SHPRH: variants seen among roughly 807,000 people sequenced by gnomAD.
The protein encoded by SHPRH is SNF2 histone linker PHD RING helicase, also known as E3 ubiquitin-protein ligase SHPRH.
Under a neutral mutation model 202.5 loss-of-function variants are expected in SHPRH, and 106 were observed. That is an observed-to-expected ratio of 0.52 (90% CI 0.45 to 0.62). The LOEUF is 0.62. SHPRH is among the 20% of genes least tolerant of loss of function. The probability of loss-of-function intolerance (pLI) is 0.00; values close to 1 mark genes in which losing one functional copy is unlikely to be tolerated. For missense variants in SHPRH, 1,710 were observed against 2,020.0 expected (o/e 0.85, Z 2.94); for synonymous variants, 729 against 686.0 (o/e 1.06, Z -0.98).
chr6:145,858,377 T>C, the SHPRH span, among the ~76,000 whole-genome samples: 1 of 151,106 alleles, frequency 6.6e-6, no homozygotes, highest in South Asian at 2.1e-4. Context: ...TACTTAGCAA[T>C]ATAATTTTTA....
At position 145,923,747 on chromosome 6, in the gene SHPRH, G is replaced by A. The variant is rs1464001717; in HGVS notation, c.3441C>T (p.His1147=). The A allele has an allele frequency of 1.9e-6, 3 of 1,611,014 alleles. No individual in the cohort carries two copies. The highest frequency in any genetic ancestry group is 2.5e-6 in the Non-Finnish European group (3 of 1,178,276). Residue 1147 remains histidine, a synonymous_variant, in exon 18 of 30, where the codon CAC becomes CAT. Coordinates refer to ENST00000275233, the MANE Select transcript of SHPRH (RefSeq NM_001042683.3). Reference sequence around the variant, plus strand: ...CATCAATAGTAAATTCTATTGCTCTGTGGATCACATTTAGCCACCAAGGAG... The same window carrying A: ...CATCAATAGTAAATTCTATTGCTCTATGGATCACATTTAGCCACCAAGGAG... ...SNSPWWLNVI[H]RAIEFTIDEE... is the part of the protein sequence containing the mutation.
At position 145,886,692 on chromosome 6, in the gene SHPRH, C is replaced by A; in HGVS notation, c.5051G>T (p.Ter1684LeuextTer10). 1 of 1,613,236 alleles carries A rather than the reference C, an allele frequency of 6.2e-7. No homozygotes were observed. The highest frequency in any genetic ancestry group is 1.1e-5 in the South Asian group (1 of 90,952). Residue 1684 changes from the stop codon to leucine (L), a stop_lost, in exon 30 of 30, where the codon TGA becomes TTA. Transcript: ENST00000275233. ...TCCATGGAATGAATCAAGTGTAGTT[C>A]ATTCAAGCTCTTCAGTTTCTTTGGT... The part of the protein sequence containing the change: ...LFTKETEELE[*>L]
chr6:145,940,922 AC>A (rs1582779417), intron 10 of SHPRH, 121 bp from the exon 11 acceptor site: 2 of 860,042 alleles, frequency 2.3e-6, no homozygotes, highest in Non-Finnish European at 3.7e-6. Flanking sequence ...AGATGTACCT[AC>A]TTTTATTTAA....
chr6:145,950,068 T>C (rs1202107753), intron 4 of SHPRH, among the ~76,000 whole-genome samples, 196 bp downstream of exon 4: 1 of 152,134 alleles, frequency 6.6e-6, no homozygotes, highest in Non-Finnish European at 1.5e-5. Flanking sequence ...GTACAAACTT[T>C]TATGAATGAA....
intron 1 of SHPRH, 56 bp from the exon 2 acceptor site, chr6:145,955,410 G>C: frequency 6.9e-7 from 1 of 1,456,608 alleles, no homozygotes; most frequent in Non-Finnish European, 9.1e-7. Context: ...AGTATTTAAG[G>C]GTTACCAGAT....
At chr6:145,960,757 A>T (rs555851438) in intron 1 of SHPRH, among the ~76,000 whole-genome samples, 1 of 152,282 alleles carries the variant, frequency 6.6e-6, no homozygotes, top group East Asian at 1.9e-4. Flanking sequence ...GTATTCCATA[A>T]ATGGTAGTTG....
In SHPRH at chr6:145,888,107, G is replaced by T. The variant is rs1420197961; in HGVS notation, c.4875-7C>A. The T allele has an allele frequency of 2.5e-6, 4 of 1,588,522 alleles. No individual in the cohort carries two copies. The highest frequency in any genetic ancestry group is 1.7e-5 in the Admixed American group (1 of 58,706). On this transcript the variant is annotated splice_polypyrimidine_tract_variant and splice_region_variant and intron_variant, in intron 28 of 29. Coordinates refer to ENST00000275233, the MANE Select transcript of SHPRH (RefSeq NM_001042683.3). ...TCTGTGTACAATAGTAGGTCTAAAA[G>T]GTACAGAAGAATTTTAAGCTTAAAA...
intron 8 of SHPRH, among the ~76,000 whole-genome samples, chr6:145,944,122 C>T (rs903913583): frequency 6.6e-5 from 10 of 152,068 alleles, no homozygotes; most frequent in Admixed American, 3.3e-4. Context: ...TAGTACTTTT[C>T]GAGTACATAA....
chr6:145,951,712 A>G, intron 3 of SHPRH: 1 of 445,714 alleles, frequency 2.2e-6, no homozygotes, highest in South Asian at 1.6e-5. Context: ...AGAAATAACA[A>G]TCGAAGTTAG....
chr6:145,879,216 G>C (rs1780439352), intron 2 of SHPRH, among the ~76,000 whole-genome samples: 1 of 151,956 alleles, frequency 6.6e-6, no homozygotes, highest in African/African-American at 2.4e-5. Context: ...ACTATTTACT[G>C]AACACCCACT....
downstream of SHPRH, chr6:145,883,844 A>C (rs1393861890): frequency 6.6e-6 from 1 of 152,042 alleles, no homozygotes; most frequent in African/African-American, 2.4e-5. Context: ...TATGCCAGTT[A>C]AAAATTATGA....
intron 2 of SHPRH, chr6:145,871,422 A>G (rs1780049834): frequency 6.6e-6 from 1 of 152,222 alleles, no homozygotes; most frequent in Non-Finnish European, 1.5e-5. Context: ...CAAGAGCCAA[A>G]TCATGAATGA....
chr6:145,931,316 CTTTT>C (rs1045494061), intron 14 of SHPRH, among the ~76,000 whole-genome samples: 4 of 151,184 alleles, frequency 2.6e-5, no homozygotes, highest in Admixed American at 6.6e-5. Context: ...ACCCTTTTTT[CTTTT>C]TTTTGAAGAT....
rs115506795 is a variant in SHPRH, at chr6:145,950,041, T to G, written c.982+223A>C. Among the ~76,000 whole-genome samples, 453 of 152,216 alleles carry G rather than the reference T, an allele frequency of 3.0e-3. 4 individuals carry two copies. The highest frequency in any genetic ancestry group is 8.2e-3 in the African/African-American group (342 of 41,558). ...CCAATTGAGGCAGGATTGATTTCCT[T>G]TTGGCAAGAAAAACCAGTACAAACT... On this transcript the variant is annotated intron_variant, in intron 4 of 29. Transcript: ENST00000275233.
rs926283084 is a variant in SHPRH, at chr6:145,941,714, C to T, written c.2399G>A (p.Arg800His). The change falls in exon 10 of 30, where the codon CGC becomes CAC. Residue 800 changes from arginine to histidine, a missense_variant. By Grantham distance (29) the Arg-to-His change is conservative. This residue lies in a region of SHPRH where 277 missense variants were observed against 363.0 expected (regional missense o/e 0.76). Coordinates refer to ENST00000275233, the MANE Select transcript of SHPRH (RefSeq NM_001042683.3). ...EDGRRLRNQK[R>H]YMAIPSPLVA... ...CAGGGGGCTCGGGATAGCCATATAGCGCTTCTGGTTCCGTAGGCGACGCCC... is the reference window on the plus strand; with the variant it reads ...CAGGGGGCTCGGGATAGCCATATAGTGCTTCTGGTTCCGTAGGCGACGCCC... The T allele has an allele frequency of 2.5e-6, 4 of 1,614,016 alleles. No homozygotes were observed. The highest frequency in any genetic ancestry group is 1.7e-5 in the Admixed American group (1 of 59,976).
chr6:145,957,522 A>G (rs1329390204), intron 1 of SHPRH, among the ~76,000 whole-genome samples: 1 of 152,168 alleles, frequency 6.6e-6, no homozygotes, highest in Non-Finnish European at 1.5e-5. Flanking sequence ...TAAGACAAAC[A>G]TTTAAAAAAG....
At chr6:145,917,910 T>C (rs996378177) in intron 23 of SHPRH, 3 of 365,670 alleles carry the variant, frequency 8.2e-6, no homozygotes, top group African/African-American at 6.3e-5. Context: ...TGTTCTCTAC[T>C]ATCGAGTGCA....
chr6:145,872,337 A>G (rs1443506007), intron 2 of SHPRH, among the ~76,000 whole-genome samples: 1 of 152,188 alleles, frequency 6.6e-6, no homozygotes, highest in Non-Finnish European at 1.5e-5. Context: ...AGGAACTTAA[A>G]CAAATTTACA....
At chr6:145,903,265 G>A (rs1782657609) in intron 25 of SHPRH, 1 of 151,070 alleles carries the variant, frequency 6.6e-6, no homozygotes, top group African/African-American at 2.4e-5. Context: ...TCACTCAGAT[G>A]TTTATTTTAA....
Sources: allele counts gnomAD v4.1 joint callset (sites outside exome capture counted in the v4.1 genomes callset), GRCh38; gene constraint gnomAD v4.1.1; regional missense constraint gnomAD v4.1.1; transcripts MANE v1.5; gene names NCBI Gene and HGNC (gene_info 2026-07-23, HGNC 2026-07-21).